The following ANKRD26 variants were observed in gnomAD, a reference collection of about 807,000 sequenced individuals.
ANKRD26 encodes ankyrin repeat domain-containing protein 26.
A neutral mutation model predicts 208.7 loss-of-function variants in ANKRD26; 141 were observed. That is an observed-to-expected ratio of 0.68 (90% CI 0.59 to 0.78). ANKRD26 has a LOEUF of 0.78. Among genes scored for constraint, ANKRD26 ranks in the 30% least tolerant of loss-of-function variants. ANKRD26 has a pLI of 0.00. For missense variants in ANKRD26, 1,889 were observed against 1,938.7 expected (o/e 0.97, Z 0.48); for synonymous variants, 636 against 660.4 (o/e 0.96, Z 0.57).
At chr10:26,995,918 T>TATTA (rs1188859916) in intron 4 of ANKRD26, among the ~76,000 whole-genome samples, 2 of 152,004 alleles carry the variant, frequency 1.3e-5, no homozygotes, top group African/African-American at 4.8e-5. Context: ...TTGGGAAAAA[T>TATTA]AAGTGGGACT....
chr10:27,045,166 G>A (rs981204297), intron 18 of ANKRD26, among the ~76,000 whole-genome samples: 2 of 152,208 alleles, frequency 1.3e-5, no homozygotes, highest in African/African-American at 4.8e-5. Flanking sequence ...GCTCACGCCT[G>A]TAATCTCAGC....
At chr10:27,099,180 G>A (rs1156648374) in intron 1 of ANKRD26, among the ~76,000 whole-genome samples, 1 of 151,918 alleles carries the variant, frequency 6.6e-6, no homozygotes, top group Non-Finnish European at 1.5e-5. Context: ...TAGTAGAGAC[G>A]GGGTTTCACC....
intron 1 of ANKRD26, among the ~76,000 whole-genome samples, chr10:27,099,645 T>C (rs919745746): frequency 6.6e-6 from 1 of 151,660 alleles, no homozygotes; most frequent in South Asian, 2.1e-4. Context: ...CCTCCCGAAG[T>C]GCTGTGATTA....
intron 16 of ANKRD26, chr10:27,051,642 T>C: frequency 1.0e-6 from 1 of 985,360 alleles, no homozygotes; most frequent in Non-Finnish European, 1.2e-6. Flanking sequence ...AGAAGATGAC[T>C]GGCAAGCATA....
intron 6 of ANKRD26, chr10:27,080,622 C>A: frequency 1.0e-6 from 1 of 985,212 alleles, no homozygotes; most frequent in Non-Finnish European, 1.2e-6. Context: ...TATCTAAACA[C>A]CTTCCTTCCT....
At chr10:27,097,178 C>T (rs866386862) in intron 1 of ANKRD26, among the ~76,000 whole-genome samples, 82 of 149,998 alleles carry the variant, frequency 5.5e-4, no homozygotes, top group African/African-American at 1.9e-3. Flanking sequence ...CGAGACTTCA[C>T]CTCAAAAACA....
In ANKRD26 at chr10:27,059,970, C is replaced by T. The variant is rs568796167; in HGVS notation, c.1564+375G>A. 2.0e-4 allele frequency among the ~76,000 whole-genome samples: 31 copies of T among 152,078 alleles called. 1 individual carries two copies. In the South Asian group the frequency reaches 4.4e-3, roughly 21 times the overall value. On this transcript the variant is annotated intron_variant, in intron 15 of 33. Transcript: ENST00000376087. Reference sequence around the variant, plus strand: ...ATCCCAGAATTTTGGGAGGCCGAGGCGGGTGGATCACCCGAGATCAGGAGT... The same window carrying T: ...ATCCCAGAATTTTGGGAGGCCGAGGTGGGTGGATCACCCGAGATCAGGAGT...
At chr10:27,020,637 C>T (rs12355862) in intron 29 of ANKRD26, among the ~76,000 whole-genome samples, 30,299 of 152,076 alleles carry the variant, frequency 0.2, 3,610 homozygotes, top group East Asian at 0.56. Context: ...GGCTGAATAA[C>T]ATTCCATCCT....
intron 31 of ANKRD26, among the ~76,000 whole-genome samples, chr10:27,013,962 T>C (rs1161772997): frequency 6.6e-6 from 1 of 152,202 alleles, no homozygotes; most frequent in Non-Finnish European, 1.5e-5. Flanking sequence ...AATCATTCCC[T>C]ATTTCACTAG....
At chr10:27,070,491 C>T (rs1394101760) in intron 9 of ANKRD26, among the ~76,000 whole-genome samples, 1 of 152,158 alleles carries the variant, frequency 6.6e-6, no homozygotes, top group African/African-American at 2.4e-5. Flanking sequence ...GACCAGTATT[C>T]ACACACAGAA....
At chr10:27,099,957 T>A in intron 1 of ANKRD26, 128 bp downstream of exon 1, 1 of 1,472,382 alleles carries the variant, frequency 6.8e-7, no homozygotes, top group East Asian at 2.3e-5. Flanking sequence ...CTGCAAGGTG[T>A]CACCGTCCCA....
intron 30 of ANKRD26, among the ~76,000 whole-genome samples, chr10:27,017,063 G>A (rs1219978598): frequency 1.3e-5 from 2 of 152,200 alleles, no homozygotes; most frequent in African/African-American, 2.4e-5. Flanking sequence ...GCATCGTGAT[G>A]TGCACCTGTA....
At position 27,033,218 on chromosome 10, in the gene ANKRD26, T is replaced by A. The variant is rs1343361497; in HGVS notation, c.3807+7A>T. 6.2e-7 allele frequency: 1 copy of A among 1,603,132 alleles called. No homozygotes were observed. The highest frequency in any genetic ancestry group is 2.2e-5 in the East Asian group (1 of 44,622). On this transcript the variant is annotated splice_region_variant and intron_variant, in intron 25 of 33. Coordinates refer to ENST00000376087, the MANE Select transcript of ANKRD26 (RefSeq NM_014915.3). Reference sequence around the variant, plus strand: ...TAACTGTTTGACATGTTAAATTTCATACATACTTGATTTCTGATTTGACCT... The same window carrying A: ...TAACTGTTTGACATGTTAAATTTCAAACATACTTGATTTCTGATTTGACCT...
At chr10:26,972,946 C>T (rs2052172505), downstream of ANKRD26, among the ~76,000 whole-genome samples, 1 of 151,996 alleles carries the variant, frequency 6.6e-6, no homozygotes, top group East Asian at 1.9e-4. Flanking sequence ...AGTTGGAATT[C>T]AAACAAAAAG....
At position 27,073,788 on chromosome 10, in the gene ANKRD26, C is replaced by T. The variant is rs944582171; in HGVS notation, c.1077+3550G>A. ...CAACACTGGAGAATGAGATAAGATT[C>T]GTGAGACTTCTGCCATTCCAGTCCC... On this transcript the variant is annotated intron_variant, in intron 9 of 33. Coordinates refer to ENST00000376087, the MANE Select transcript of ANKRD26 (RefSeq NM_014915.3). 4.6e-5 allele frequency among the ~76,000 whole-genome samples: 7 copies of T among 152,116 alleles called. No homozygotes were observed. The South Asian group carries it at 6.2e-4, about 14-fold the overall frequency.
chr10:27,067,723 G>T (rs1402092815), intron 9 of ANKRD26, among the ~76,000 whole-genome samples: 1 of 152,016 alleles, frequency 6.6e-6, no homozygotes, highest in Non-Finnish European at 1.5e-5. Flanking sequence ...CTAGAAATCT[G>T]CCCCTGTGAT....
chr10:27,049,047 TGA>T, intron 16 of ANKRD26, 68 bp from the exon 17 acceptor site: 1 of 1,353,940 alleles, frequency 7.4e-7, no homozygotes, highest in Non-Finnish European at 1.0e-6. Context: ...TTGTTTTCAT[TGA>T]GTTTATCATT....
chr10:26,967,146 C>A, the ANKRD26 span, among the ~76,000 whole-genome samples: 1 of 152,224 alleles, frequency 6.6e-6, no homozygotes, highest in East Asian at 1.9e-4. Flanking sequence ...ATTCTTCTTA[C>A]AACAAAATAA....
chr10:27,005,023 T>C lies in ANKRD26; in HGVS notation c.*567A>G, dbSNP rs2052822254. 1 of 983,928 alleles carries C rather than the reference T, an allele frequency of 1.0e-6. No individual in the cohort carries two copies. The highest frequency in any genetic ancestry group is 1.2e-6 in the Non-Finnish European group (1 of 828,568). The allele number at this position is 983,928 out of a possible 1,614,324, so 60.9% of individuals were successfully genotyped here. A position where few individuals can be genotyped will look rare whatever the true frequency, so the allele number is the denominator to read the frequency against. On this transcript the variant is annotated 3_prime_UTR_variant, in exon 34 of 34. Coordinates refer to ENST00000376087, the MANE Select transcript of ANKRD26 (RefSeq NM_014915.3). Reference sequence around the variant, plus strand: ...AGGAGAAAGTCTTTGTACTAAAACTTCGAAATTTTCTCTAAACTGAAGGCT... The same window carrying C: ...AGGAGAAAGTCTTTGTACTAAAACTCCGAAATTTTCTCTAAACTGAAGGCT...
Sources: allele counts gnomAD v4.1 joint callset (sites outside exome capture counted in the v4.1 genomes callset), GRCh38; gene constraint gnomAD v4.1.1; transcripts MANE v1.5; gene names NCBI Gene and HGNC (gene_info 2026-07-23, HGNC 2026-07-21).